Variants in UPF2 observed in about 807,000 individuals in gnomAD.
UPF2 encodes the protein UPF2 regulator of nonsense mediated mRNA decay.
UPF2 carries 17 observed loss-of-function variants against 141.4 expected under a neutral mutation model. The ratio of observed to expected loss-of-function variants is 0.12; its 90% confidence interval spans 0.08 to 0.18. The LOEUF is 0.18. Among genes scored for constraint, UPF2 ranks in the 10% least tolerant of loss-of-function variants. The pLI is 1.00. For synonymous variants in UPF2, 540 were observed against 498.0 expected (o/e 1.08, Z -1.12); for missense variants, 1,152 against 1,515.9 (o/e 0.76, Z 3.99).
intron 8 of UPF2, 126 bp downstream of exon 8, chr10:11,997,546 A>C (rs1395299368): frequency 4.2e-6 from 3 of 708,676 alleles, no homozygotes; most frequent in Non-Finnish European, 6.6e-6. Context: ...AAATATGCTA[A>C]TAATGCTAAT....
rs141960801 is a variant in UPF2, at chr10:11,969,663, T to C, written c.1954-2209A>G. On this transcript the variant is annotated intron_variant, in intron 9 of 21. Coordinates refer to ENST00000357604, the MANE Select transcript of UPF2 (RefSeq NM_015542.4). ...AACTTTCACAAATAAATGTTTCATA[T>C]ACATGCACATAAAAAACTTCTCTTA... is the stretch of plus-strand genomic sequence containing the variant. Among the ~76,000 whole-genome samples, 145 of 152,344 alleles carry C rather than the reference T, an allele frequency of 9.5e-4. 1 individual carries two copies. The highest frequency in any genetic ancestry group is 3.3e-3 in the African/African-American group (137 of 41,566).
Position 12,029,430 on chromosome 10 carries a change from T to G in UPF2, c.460A>C (p.Ser154Arg). The change falls in exon 3 of 22, where the codon AGC becomes CGC. Residue 154 changes from serine (S) to arginine (R), a missense_variant. Ser to Arg is a moderately radical substitution (Grantham distance 110). Transcript: ENST00000357604. ...LRSKNQNAPD[S>R]RPEENFFSRL... ...CTGAAGAAGTTTTCCTCTGGTCGGC[T>G]GTCCGGAGCATTTTGGTTTTTGCTA... 6.2e-7 allele frequency: 1 copy of G among 1,614,064 alleles called. No individual in the cohort carries two copies. Among genetic ancestry groups the G allele is most frequent in the Non-Finnish European group, 8.5e-7 (1 of 1,180,026 alleles).
chr10:11,962,188 G>A (rs1277480642), intron 11 of UPF2, among the ~76,000 whole-genome samples: 1 of 152,008 alleles, frequency 6.6e-6, no homozygotes, highest in South Asian at 2.1e-4. Context: ...CCCCACACAC[G>A]CACACTCACA....
chr10:11,963,894 A>G, intron 11 of UPF2, 115 bp downstream of exon 11: 1 of 689,898 alleles, frequency 1.4e-6, no homozygotes, highest in Non-Finnish European at 2.4e-6. Flanking sequence ...TTTAAGTAGA[A>G]ATGTTTGTAT....
At chr10:12,037,609 G>T (rs552315409) in intron 1 of UPF2, among the ~76,000 whole-genome samples, 1 of 150,940 alleles carries the variant, frequency 6.6e-6, no homozygotes, top group East Asian at 2.0e-4. Flanking sequence ...TGGCCAGGCT[G>T]CTTGAATTCT....
chr10:12,001,728 T>C lies in UPF2; in HGVS notation c.1602A>G (p.Leu534=), dbSNP rs766643157. 1.9e-6 allele frequency: 3 copies of C among 1,612,848 alleles called. No individual in the cohort carries two copies. Among genetic ancestry groups the C allele is most frequent in the Non-Finnish European group, 2.5e-6 (3 of 1,179,732 alleles). ...NLEINDDTLE[L]EGGDEAEDLT... ...GATCTTCAGCTTCATCTCCACCCTC[T>C]AATTCTAAGGTGTCATCATTAATTT... Residue 534 remains leucine (L), a synonymous_variant, in exon 6 of 22, where the codon TTA becomes TTG. Transcript: ENST00000357604.
intron 8 of UPF2, among the ~76,000 whole-genome samples, chr10:11,983,474 G>A (rs1343987705): frequency 2.0e-5 from 3 of 152,094 alleles, no homozygotes; most frequent in Non-Finnish European, 4.4e-5. Context: ...CTGGGTTCAC[G>A]CCATTCTCCT....
Position 12,029,365 on chromosome 10 carries a change from G to C in UPF2, c.525C>G (p.Val175=). 6.2e-7 allele frequency: 1 copy of C among 1,614,176 alleles called. No individual in the cohort carries two copies. Among genetic ancestry groups the C allele is most frequent in the Non-Finnish European group, 8.5e-7 (1 of 1,180,030 alleles). ...DSSLKKNTAF[V]KKLKTITEQQ... is the part of the protein sequence containing the mutation. ...GTTCTGTAATAGTTTTTAGTTTCTT[G>C]ACAAAAGCAGTATTTTTCTTCAAAC... The change falls in exon 3 of 22, where the codon GTC becomes GTG. Residue 175 remains valine (V), a synonymous_variant. Coordinates refer to ENST00000357604, the MANE Select transcript of UPF2 (RefSeq NM_015542.4).
At position 11,955,363 on chromosome 10, in the gene UPF2, G is replaced by C. The variant is rs1165624538; in HGVS notation, c.2719C>G (p.Pro907Ala). The C allele has an allele frequency of 6.2e-7, 1 of 1,614,196 alleles. No individual in the cohort carries two copies. The highest frequency in any genetic ancestry group is 8.5e-7 in the Non-Finnish European group (1 of 1,180,030). ...TGCTCAGGTGGGTCCAGGGAACTTG[G>C]AGAGCCATCAGGATTAACACCAAAT... is the stretch of plus-strand genomic sequence containing the variant. ...TSFGVNPDGS[P>A]SSLDPPEHLF... Residue 907 changes from proline to alanine, a missense_variant, in exon 14 of 22, where the codon CCA (proline) becomes GCA (alanine). By Grantham distance (27) the Pro-to-Ala change is conservative. Coordinates refer to ENST00000357604, the MANE Select transcript of UPF2 (RefSeq NM_015542.4).
chr10:12,003,607 T>TAGGC (rs1209120932), intron 5 of UPF2, among the ~76,000 whole-genome samples: 1 of 152,076 alleles, frequency 6.6e-6, no homozygotes, highest in African/African-American at 2.4e-5. Context: ...GGACATCAGG[T>TAGGC]AGGCAGGAGA....
intron 16 of UPF2, among the ~76,000 whole-genome samples, chr10:11,944,750 T>A (rs1205869510): frequency 6.6e-6 from 1 of 152,210 alleles, no homozygotes; most frequent in African/African-American, 2.4e-5. Flanking sequence ...CATTAATTTT[T>A]CAAATTAAGA....
chr10:11,963,994 T>C lies in UPF2; in HGVS notation c.2184+15A>G, dbSNP rs1475516446. 1.9e-6 allele frequency: 3 copies of C among 1,584,968 alleles called. No homozygotes were observed. The highest frequency in any genetic ancestry group is 1.4e-5 in the African/African-American group (1 of 74,062). ...CAAGAACCTCTAGCTCTTACCAGCA[T>C]CCTCAAGCCCTTACCAAAAGTACAC... On this transcript the variant is annotated intron_variant, in intron 11 of 21. Coordinates refer to ENST00000357604, the MANE Select transcript of UPF2 (RefSeq NM_015542.4).
chr10:11,930,104 G>A, intron 20 of UPF2, 119 bp from the exon 21 acceptor site: 1 of 1,400,972 alleles, frequency 7.1e-7, no homozygotes, highest in Admixed American at 2.2e-5. Context: ...GCTGACTAAA[G>A]AAAAATAGCC....
At chr10:11,995,613 T>G (rs752623808) in intron 8 of UPF2, among the ~76,000 whole-genome samples, 55 of 152,022 alleles carry the variant, frequency 3.6e-4, no homozygotes, top group Non-Finnish European at 7.4e-4. Context: ...TGAAACCCCA[T>G]CTCTACTAAA....
intron 1 of UPF2, among the ~76,000 whole-genome samples, chr10:12,039,761 C>CA (rs1834702449): frequency 6.6e-6 from 1 of 151,964 alleles, no homozygotes; most frequent in African/African-American, 2.4e-5. Flanking sequence ...GCTGGGATTA[C>CA]AGGCATGTGC....
chr10:11,960,911 GT>G (rs1833230074), intron 11 of UPF2, among the ~76,000 whole-genome samples: 1 of 152,024 alleles, frequency 6.6e-6, no homozygotes, highest in Non-Finnish European at 1.5e-5. Context: ...TAGCAACGTA[GT>G]GAGACCCTGT....
chr10:12,023,152 C>A (rs1459024414), intron 3 of UPF2, among the ~76,000 whole-genome samples: 1 of 152,222 alleles, frequency 6.6e-6, no homozygotes, highest in East Asian at 1.9e-4. Flanking sequence ...AAAATGAAAT[C>A]ATTTCTTCAT....
intron 8 of UPF2, among the ~76,000 whole-genome samples, chr10:11,985,821 G>A (rs1306904010): frequency 6.7e-6 from 1 of 148,810 alleles, no homozygotes; most frequent in Non-Finnish European, 1.5e-5. Context: ...TAAAATTTAA[G>A]CCAGATGGGT....
chr10:12,002,508 C>T (rs1312622636), intron 5 of UPF2, among the ~76,000 whole-genome samples: 1 of 151,982 alleles, frequency 6.6e-6, no homozygotes, highest in African/African-American at 2.4e-5. Flanking sequence ...GAGACTTTCT[C>T]CTTTATGCAA....
Sources: allele counts gnomAD v4.1 joint callset (sites outside exome capture counted in the v4.1 genomes callset), GRCh38; gene constraint gnomAD v4.1.1; transcripts MANE v1.5; gene names NCBI Gene and HGNC (gene_info 2026-07-23, HGNC 2026-07-21).